LZTFL1: variants seen among roughly 807,000 people sequenced by gnomAD.
LZTFL1 encodes leucine zipper transcription factor like 1.
Under a neutral mutation model 45.9 loss-of-function variants are expected in LZTFL1, and 25 were observed. The observed-to-expected ratio is 0.54, with a 90% CI of 0.40 to 0.76. LZTFL1 has a LOEUF of 0.76. Ranked by LOEUF, LZTFL1 falls within the 30% of genes least tolerant of loss-of-function variation. The pLI, the probability that LZTFL1 is intolerant of heterozygous loss-of-function variation, is 0.00. For missense variants in LZTFL1, 277 were observed against 331.1 expected, an observed-to-expected ratio of 0.84 and a Z score of 1.27; for synonymous variants, 93 against 117.4, an observed-to-expected ratio of 0.79 and a Z score of 1.35.
intron 2 of LZTFL1, among the ~76,000 whole-genome samples, chr3:45,890,500 A>G (rs749747212): frequency 6.7e-6 from 1 of 150,210 alleles, no homozygotes; most frequent in Non-Finnish European, 1.5e-5. Flanking sequence ...CAAAAAAAAG[A>G]AGAGTAATGC....
intron 2 of LZTFL1, among the ~76,000 whole-genome samples, chr3:45,877,074 T>C (rs948245757): frequency 1.3e-5 from 2 of 152,006 alleles, no homozygotes; most frequent in Non-Finnish European, 2.9e-5. Flanking sequence ...AAGAGAAAAG[T>C]AGGAAGGGAT....
chr3:45,895,983 G>A (rs1702343654), intron 2 of LZTFL1, among the ~76,000 whole-genome samples: 1 of 152,192 alleles, frequency 6.6e-6, no homozygotes, highest in South Asian at 2.1e-4. Context: ...ATGATCTATG[G>A]AGAGTGGTGG....
chr3:45,901,750 G>T lies in LZTFL1; in HGVS notation c.-215+11370C>A, dbSNP rs762710167. 11 of 1,614,168 alleles carry T rather than the reference G, an allele frequency of 6.8e-6. No homozygotes were observed. The Admixed American group carries it at 1.8e-4, about 27-fold the overall frequency. ...AACCCTGTTCTCTATGTTTTTGTGG[G>T]TGAGAGATTCCGCCGGGATCTCGTG... On this transcript the variant is annotated intron_variant, in intron 2 of 4. Coordinates refer to the LZTFL1 transcript ENST00000472635. The surrounding 1 kb of genome is among the most constrained non-coding windows in gnomAD (Gnocchi z 4.3).
In LZTFL1 at chr3:45,858,175, T is replaced by C. The variant is rs116692634; in HGVS notation, c.-138+765A>G. Among the ~76,000 whole-genome samples the C allele has an allele frequency of 5.8e-4, 88 of 152,340 alleles. 1 individual carries two copies. The highest frequency in any genetic ancestry group is 1.9e-3 in the African/African-American group (81 of 41,588). On this transcript the variant is annotated intron_variant, in intron 3 of 4. Transcript: ENST00000472635. ...GAAGAATAAATAAGTATATGAATAG[T>C]AGATTAAAAATAAATGTTACCATAC...
At chr3:45,890,831 G>T (rs1702156729) in intron 2 of LZTFL1, among the ~76,000 whole-genome samples, 1 of 152,230 alleles carries the variant, frequency 6.6e-6, no homozygotes, top group South Asian at 2.1e-4. Flanking sequence ...ATGAATTGGG[G>T]CACAGCCCCT....
intron 2 of LZTFL1, 67 bp downstream of exon 2, chr3:45,837,860 C>T (rs1701005164): frequency 2.0e-6 from 3 of 1,500,652 alleles, no homozygotes; most frequent in Admixed American, 2.3e-5. Context: ...TGCTATGGCA[C>T]CCCCATACTG....
rs116118134 is a variant in LZTFL1 at position 45,882,660 on chromosome 3, C to T, written c.-214-23644G>A. On this transcript the variant is annotated intron_variant, in intron 2 of 4. Transcript: ENST00000472635. ...AACAGACTCAGCACTCCTGTTGGCCCCTGCAACAAAGTCAGCTTGGGTCTT... is the reference window on the plus strand; with the variant it reads ...AACAGACTCAGCACTCCTGTTGGCCTCTGCAACAAAGTCAGCTTGGGTCTT... Among the ~76,000 whole-genome samples, 466 of 152,188 alleles carry T rather than the reference C, an allele frequency of 3.1e-3. 7 individuals carry two copies. The highest frequency in any genetic ancestry group is 0.011 in the African/African-American group (452 of 41,542).
intron 2 of LZTFL1, among the ~76,000 whole-genome samples, chr3:45,870,888 A>G (rs533841343): frequency 4.0e-4 from 61 of 152,304 alleles, no homozygotes; most frequent in African/African-American, 1.4e-3. Context: ...AAAAACATGT[A>G]TATGTTCCCA....
upstream of LZTFL1, among the ~76,000 whole-genome samples, chr3:45,844,332 G>A (rs888055445): frequency 6.6e-6 from 1 of 152,160 alleles, no homozygotes; most frequent in African/African-American, 2.4e-5. Flanking sequence ...AAATCTGAGG[G>A]AAGAAGTGGA....
intron 2 of LZTFL1, among the ~76,000 whole-genome samples, chr3:45,874,100 C>T (rs898404988): frequency 6.6e-6 from 1 of 152,188 alleles, no homozygotes; most frequent in African/African-American, 2.4e-5. Context: ...TTCACCATCT[C>T]CACTTCCTTT....
intron 2 of LZTFL1, among the ~76,000 whole-genome samples, chr3:45,878,989 C>T (rs1701802631): frequency 6.6e-6 from 1 of 152,178 alleles, no homozygotes; most frequent in Admixed American, 6.5e-5. Flanking sequence ...ATTAGAATAG[C>T]CCAGGCCCTA....
At chr3:45,845,657 G>A (rs1243450264), upstream of LZTFL1, among the ~76,000 whole-genome samples, 1 of 152,228 alleles carries the variant, frequency 6.6e-6, no homozygotes, top group Non-Finnish European at 1.5e-5. Flanking sequence ...ATTCAGAAAT[G>A]TGGGTCTTCC....
intron 1 of LZTFL1, among the ~76,000 whole-genome samples, chr3:45,838,577 A>T (rs1357018816): frequency 6.6e-6 from 1 of 152,164 alleles, no homozygotes; most frequent in Admixed American, 6.5e-5. Context: ...CTTAACCCTT[A>T]CCCCATTAAA....
exon 2 of LZTFL1, chr3:45,913,168 C>G (rs1702833511): frequency 2.0e-6 from 3 of 1,534,992 alleles, no homozygotes; most frequent in Non-Finnish European, 2.6e-6. Context: ...GGCTGACTTA[C>G]AGCAAGAGCC....
chr3:45,902,087 A>C, intron 2 of LZTFL1: 1 of 571,844 alleles, frequency 1.7e-6, no homozygotes. Context: ...CTAGTGCAGG[A>C]GGCTGTTGAT....
chr3:45,906,528 C>T (rs759959478), intron 2 of LZTFL1, among the ~76,000 whole-genome samples: 12 of 152,194 alleles, frequency 7.9e-5, no homozygotes, highest in African/African-American at 2.4e-5. Flanking sequence ...TGGACAGGCA[C>T]GAGTTTGGCC....
At position 45,899,754 on chromosome 3, in the gene LZTFL1, C is replaced by T. The variant is rs994482351; in HGVS notation, c.-215+13366G>A. Among the ~76,000 whole-genome samples, 18 of 152,256 alleles carry T rather than the reference C, an allele frequency of 1.2e-4. No homozygotes were observed. The East Asian group carries it at 2.7e-3, about 23-fold the overall frequency. Reference sequence around the variant, plus strand: ...ATGTAGCAGGCATGGCACGGACTCTCCCCTCCTCCTCCATCAGCAGTCCAC... The same window carrying T: ...ATGTAGCAGGCATGGCACGGACTCTTCCCTCCTCCTCCATCAGCAGTCCAC... On this transcript the variant is annotated intron_variant, in intron 2 of 4. Transcript: ENST00000472635.
intron 2 of LZTFL1, among the ~76,000 whole-genome samples, chr3:45,867,015 G>A (rs1449891933): frequency 6.6e-6 from 1 of 151,962 alleles, no homozygotes; most frequent in Admixed American, 6.5e-5. Flanking sequence ...GGGCATGGTG[G>A]CGCATGCCTG....
At chr3:45,835,162 C>G (rs1179895325) in intron 3 of LZTFL1, 1 of 153,146 alleles carries the variant, frequency 6.5e-6, no homozygotes, top group Non-Finnish European at 1.5e-5. Flanking sequence ...TAAATGTATA[C>G]TTTTAAATTC....
Sources: gnomAD v4.1 joint callset for allele counts (sites outside exome capture counted in the v4.1 genomes callset) on GRCh38, gnomAD v4.1.1 for gene constraint, Gnocchi (gnomAD v3.1) non-coding constraint, MANE v1.5 for transcripts, NCBI Gene and HGNC (gene_info 2026-07-23, HGNC 2026-07-21) for gene names.